Variants in MARK2 observed in about 807,000 individuals in gnomAD.
MARK2 encodes the protein serine/threonine-protein kinase MARK2.
In MARK2, 16 loss-of-function variants were observed where a neutral mutation model predicts 89.8. The observed-to-expected ratio is 0.18, with a 90% CI of 0.12 to 0.27. MARK2 has a LOEUF of 0.27. Ranked by LOEUF, MARK2 falls within the 10% of genes least tolerant of loss-of-function variation. The pLI is 1.00. For synonymous variants in MARK2, 382 were observed against 399.5 expected (o/e 0.96, Z 0.52); for missense variants, 621 against 1,049.9 (o/e 0.59, Z 5.65).
intron 1 of MARK2, among the ~76,000 whole-genome samples, chr11:63,879,979 G>C (rs374368339): frequency 3.9e-4 from 60 of 152,298 alleles, no homozygotes; most frequent in East Asian, 2.3e-3. Context: ...CTGGGACTAG[G>C]GGGTCTAGAA....
chr11:63,891,742 G>A (rs1488119810), intron 1 of MARK2, among the ~76,000 whole-genome samples: 2 of 152,254 alleles, frequency 1.3e-5, no homozygotes, highest in African/African-American at 4.8e-5. Flanking sequence ...GGGGCAGAAG[G>A]AAGGTTTTTT....
chr11:63,866,929 GT>G (rs1371481132), intron 1 of MARK2, among the ~76,000 whole-genome samples: 1 of 152,074 alleles, frequency 6.6e-6, no homozygotes, highest in Non-Finnish European at 1.5e-5. Flanking sequence ...AGAGAATTTT[GT>G]TTCTTGCCAG....
Position 63,902,117 on chromosome 11 carries a change from C to A in MARK2, c.1102-81C>A. The A allele has an allele frequency of 6.7e-7, 1 of 1,486,060 alleles. No homozygotes were observed. Among genetic ancestry groups the A allele is most frequent in the Non-Finnish European group, 9.3e-7 (1 of 1,078,754 alleles). The allele number at this position is 1,486,060 out of a possible 1,614,324, so 92.1% of individuals were successfully genotyped here. On this transcript the variant is annotated intron_variant, in intron 11 of 18. Coordinates refer to ENST00000402010, the MANE Select transcript of MARK2 (RefSeq NM_001039469.3). This position sits in a 1 kb window ranked among gnomAD's most constrained non-coding sequence, Gnocchi z 4.2. ...GGGGTGTTTGAGTGTTGGGAGAGGG[C>A]GGTATGTGTAAATGTGTCCATCCAT...
At chr11:63,872,999 T>G (rs1591021540) in intron 1 of MARK2, among the ~76,000 whole-genome samples, 1 of 147,898 alleles carries the variant, frequency 6.8e-6, no homozygotes, top group East Asian at 2.1e-4. Flanking sequence ...TGGAGGAGAT[T>G]CCGGGGCGCA....
At chr11:63,875,517 G>T (rs12294649) in intron 1 of MARK2, among the ~76,000 whole-genome samples, 276 of 152,296 alleles carry the variant, frequency 1.8e-3, no homozygotes, top group Non-Finnish European at 3.2e-3. Flanking sequence ...CTCCCAAAGT[G>T]CTGGGATTAC....
chr11:63,904,201 C>T lies in MARK2; in HGVS notation c.1676+54C>T. ...TGCTGCCCTCAGCCCACCCTACCCCCTTGCCCCAACAATTTCTTCTTCCCA... is the reference window on the plus strand; with the variant it reads ...TGCTGCCCTCAGCCCACCCTACCCCTTTGCCCCAACAATTTCTTCTTCCCA... On this transcript the variant is annotated intron_variant, in intron 15 of 18. Coordinates refer to ENST00000402010, the MANE Select transcript of MARK2 (RefSeq NM_001039469.3). The surrounding 1 kb of genome is among the most constrained non-coding windows in gnomAD (Gnocchi z 6.3). The T allele has an allele frequency of 2.8e-6, 4 of 1,437,044 alleles. No individual in the cohort carries two copies. Among genetic ancestry groups the T allele is most frequent in the Non-Finnish European group, 9.2e-7 (1 of 1,087,470 alleles). 89.0% of individuals were successfully genotyped at this position (1,437,044 alleles called of 1,614,324 possible).
At chr11:63,843,205 A>G (rs2135189831) in intron 1 of MARK2, among the ~76,000 whole-genome samples, 1 of 152,290 alleles carries the variant, frequency 6.6e-6, no homozygotes, top group African/African-American at 2.4e-5. Flanking sequence ...GCTGGCCTGA[A>G]GCTTGGCAGT....
rs1940868351 is a variant in MARK2 at position 63,901,472 on chromosome 11, G to GGT, written c.1101+403_1101+404insGT. 5.5e-4 allele frequency among the ~76,000 whole-genome samples: 4 copies of GGT among 7,212 alleles called. No individual in the cohort carries two copies. In the Admixed American group the frequency reaches 6.8e-3, roughly 12 times the overall value. The allele number at this position is 7,212 out of a possible 152,430, so 4.7% of individuals were successfully genotyped here. A position where few individuals can be genotyped will look rare whatever the true frequency, so the allele number is the denominator to read the frequency against. On this transcript the variant is annotated intron_variant, in intron 11 of 18. Transcript: ENST00000402010. The stretch of plus-strand genomic sequence containing the variant: ...GTCTGATCGGAAGTTTGAGTCTGTT[G>GGT]CTTTTTTTTTTTTTTTTTTTTTTGA...
intron 11 of MARK2, among the ~76,000 whole-genome samples, chr11:63,901,819 TC>T (rs200350688): frequency 0.019 from 2,922 of 152,070 alleles, 100 homozygotes; most frequent in African/African-American, 0.067. Flanking sequence ...CCACATGAAC[TC>T]CCAGCCTCCC....
intron 1 of MARK2, among the ~76,000 whole-genome samples, chr11:63,887,718 G>A (rs889288694): frequency 8.9e-6 from 1 of 112,704 alleles, no homozygotes; most frequent in Non-Finnish European, 2.1e-5. Flanking sequence ...GACAGGGGTC[G>A]TTGGTCTAGA....
chr11:63,905,077 A>C (rs1179692989), intron 16 of MARK2, 34 bp downstream of exon 16: 1 of 984,596 alleles, frequency 1.0e-6, no homozygotes, highest in Non-Finnish European at 1.4e-6. Context: ...AGAGAGGCTC[A>C]GGCCAGGCCT....
intron 1 of MARK2, among the ~76,000 whole-genome samples, chr11:63,870,065 A>G (rs962828854): frequency 3.3e-5 from 5 of 152,156 alleles, no homozygotes; most frequent in African/African-American, 1.2e-4. Flanking sequence ...GCGTGCCCCC[A>G]TTGCCATCAC....
intron 1 of MARK2, among the ~76,000 whole-genome samples, chr11:63,845,148 C>G (rs1410523091): frequency 6.6e-6 from 1 of 152,192 alleles, no homozygotes; most frequent in Non-Finnish European, 1.5e-5. Context: ...TTCCCTGAGA[C>G]TGCCTGATGA....
rs56308004 is a variant in MARK2 at position 63,901,692 on chromosome 11, C to CTGTGTGTG, written c.1102-482_1102-475dup. On this transcript the variant is annotated intron_variant, in intron 11 of 18. Coordinates refer to ENST00000402010, the MANE Select transcript of MARK2 (RefSeq NM_001039469.3). ...GTGCTTTATGTTTGGGTGTGTGTAT[C>CTGTGTGTG]TGTGTGTGTGTGTGTGTGTGTGTGT... Among the ~76,000 whole-genome samples the CTGTGTGTG allele has an allele frequency of 6.2e-3, 831 of 134,790 alleles. 8 individuals are homozygous for CTGTGTGTG. Among genetic ancestry groups the CTGTGTGTG allele is most frequent in the African/African-American group, 0.021 (787 of 37,310 alleles). The allele number at this position is 134,790 out of a possible 152,430, so 88.4% of individuals were successfully genotyped here. A position where few individuals can be genotyped will look rare whatever the true frequency, so the allele number is the denominator to read the frequency against.
chr11:63,898,753 T>A lies in MARK2; in HGVS notation c.404-10T>A. The A allele has an allele frequency of 6.2e-7, 1 of 1,613,726 alleles. No individual in the cohort carries two copies. Among genetic ancestry groups the A allele is most frequent in the Admixed American group, 1.7e-5 (1 of 60,016 alleles). On this transcript the variant is annotated splice_polypyrimidine_tract_variant and intron_variant, in intron 5 of 18. Transcript: ENST00000402010. ...AGCTCTGACTGAGATCCCTGCCTGGTCTCTTACAGGAGAGGTATTTGATTA... is the reference window on the plus strand; with the variant it reads ...AGCTCTGACTGAGATCCCTGCCTGGACTCTTACAGGAGAGGTATTTGATTA...
In MARK2 at chr11:63,904,138, C is replaced by T. The variant is rs781744203; in HGVS notation, c.1667C>T (p.Pro556Leu). 2.0e-5 allele frequency: 31 copies of T among 1,579,636 alleles called. No individual in the cohort carries two copies. Among genetic ancestry groups the T allele is most frequent in the East Asian group, 4.6e-5 (2 of 43,530 alleles). Residue 556 changes from proline (P) to leucine (L), a missense_variant, in exon 15 of 19, where the codon CCG becomes CTG. Around this residue, in one of 5 missense-constraint regions of MARK2, gnomAD observed 397 missense variants for 567.8 expected, o/e 0.70. Coordinates refer to ENST00000402010, the MANE Select transcript of MARK2 (RefSeq NM_001039469.3). This position sits in a 1 kb window ranked among gnomAD's most constrained non-coding sequence, Gnocchi z 6.3. ...CCCACGGAGAGTAACTGTGAGGTGC[C>T]GCGGCCCAGGCAAGTGTGCTGGGGC... Reference protein sequence around the residue: ...LPPTESNCEVPRPSTAPQRVP... With the variant: ...LPPTESNCEVLRPSTAPQRVP...
At chr11:63,849,424 T>C (rs939096902) in intron 1 of MARK2, among the ~76,000 whole-genome samples, 1 of 152,202 alleles carries the variant, frequency 6.6e-6, no homozygotes, top group African/African-American at 2.4e-5. Context: ...TGAACACTTT[T>C]TGACTTCCAA....
intron 1 of MARK2, among the ~76,000 whole-genome samples, chr11:63,868,062 C>CTTAATGAAAAATTTG (rs1938232934): frequency 6.6e-6 from 1 of 152,150 alleles, no homozygotes; most frequent in Admixed American, 6.6e-5. Flanking sequence ...ATGGTCACCT[C>CTTAATGAAAAATTTG]TTAATGAATT....
At position 63,839,195 on chromosome 11, in the gene MARK2, GGGAGGAGCGAGGCAGGCGGCCGGCTGC is replaced by G. The variant is rs1309493953; in HGVS notation, c.-309_-283del. 3 of 214,624 alleles carry G rather than the reference GGGAGGAGCGAGGCAGGCGGCCGGCTGC, an allele frequency of 1.4e-5. No individual in the cohort carries two copies. Among genetic ancestry groups the G allele is most frequent in the Admixed American group, 1.2e-4 (2 of 17,280 alleles). 13.3% of individuals were successfully genotyped at this position (214,624 alleles called of 1,614,324 possible). A position where few individuals can be genotyped will look rare whatever the true frequency, so the allele number is the denominator to read the frequency against. On this transcript the variant is annotated 5_prime_UTR_variant, in exon 1 of 19. Transcript: ENST00000402010. ...CGCGGAGCAGTGCCGCTGAGGGCAG[GGGAGGAGCGAGGCAGGCGGCCGGCTGC>G]GGCGGCAGAGAGTAGGCGGAGCGGC...
Sources: allele counts gnomAD v4.1 joint callset (sites outside exome capture counted in the v4.1 genomes callset), GRCh38; gene constraint gnomAD v4.1.1; regional missense constraint gnomAD v4.1.1; non-coding constraint Gnocchi (gnomAD v3.1); transcripts MANE v1.5; gene names NCBI Gene and HGNC (gene_info 2026-07-23, HGNC 2026-07-21).